The following CREG2 variants were observed in gnomAD, a reference collection of about 807,000 sequenced individuals.
CREG2 encodes the protein protein CREG2.
CREG2 carries 24 observed loss-of-function variants against 26.2 expected under a neutral mutation model. The ratio of observed to expected loss-of-function variants is 0.92; its 90% CI spans 0.66 to 1.29. The LOEUF is 1.29. CREG2 is among the 50% of genes most tolerant of loss of function. CREG2 has a pLI of 0.00. For synonymous variants in CREG2, 174 were observed against 169.2 expected (o/e 1.03, Z -0.22); for missense variants, 366 against 398.6 (o/e 0.92, Z 0.70).
chr2:101,383,425 G>A (rs1405253825), intron 2 of CREG2, 108 bp downstream of exon 2: 9 of 954,454 alleles, frequency 9.4e-6, no homozygotes, highest in South Asian at 1.6e-5. Flanking sequence ...ACATCAATGT[G>A]CATCTCAGAG....
chr2:101,351,893 T>C (rs539377574), intron 3 of CREG2, among the ~76,000 whole-genome samples: 1 of 150,428 alleles, frequency 6.6e-6, no homozygotes, highest in Admixed American at 6.6e-5. Context: ...TATTAAAAAA[T>C]TTTTTTTTTA....
intron 2 of CREG2, chr2:101,382,587 C>T: frequency 2.0e-6 from 2 of 985,396 alleles, no homozygotes; most frequent in Non-Finnish European, 1.2e-6. Context: ...GGAACAGGGT[C>T]AGCTGAAGTG....
At position 101,345,704 on chromosome 2, in the gene CREG2, A is replaced by T. The variant is rs561785261; in HGVS notation, c.*5219T>A. On this transcript the variant is annotated 3_prime_UTR_variant, in exon 4 of 4. Transcript: ENST00000324768. ...TCATTACAATTCAAATTGTACAATA[A>T]TTGACTTTCTGTTATAGCAATCAAA... 1 of 152,338 alleles carries T rather than the reference A, an allele frequency of 6.6e-6. No individual in the cohort carries two copies. The highest frequency in any genetic ancestry group is 2.1e-4 in the South Asian group (1 of 4,828). 9.4% of individuals were successfully genotyped at this position (152,338 alleles called of 1,614,324 possible).
At chr2:101,369,192 G>A (rs1169058706) in intron 2 of CREG2, among the ~76,000 whole-genome samples, 6 of 152,216 alleles carry the variant, frequency 3.9e-5, no homozygotes, top group Admixed American at 2.0e-4. Flanking sequence ...GGTTGATCCA[G>A]GGAGACCTAG....
At position 101,347,957 on chromosome 2, in the gene CREG2, A is replaced by G. The variant is rs1684328547; in HGVS notation, c.*2966T>C. 1 of 152,206 alleles carries G rather than the reference A, an allele frequency of 6.6e-6. No homozygotes were observed. Among genetic ancestry groups the G allele is most frequent in the Non-Finnish European group, 1.5e-5 (1 of 68,026 alleles). The allele number at this position is 152,206 out of a possible 1,614,324, so 9.4% of individuals were successfully genotyped here. ...TTATAGTTTTACATTTTATTTTTAC[A>G]GATATGATCTGAGTTAATTTTTGCA... On this transcript the variant is annotated 3_prime_UTR_variant, in exon 4 of 4. Coordinates refer to ENST00000324768, the MANE Select transcript of CREG2 (RefSeq NM_153836.4).
At chr2:101,366,493 T>C (rs1049098397) in intron 2 of CREG2, among the ~76,000 whole-genome samples, 1 of 150,064 alleles carries the variant, frequency 6.7e-6, no homozygotes, top group African/African-American at 2.4e-5. Flanking sequence ...ACTGAAAATA[T>C]TTAGGAAAAA....
chr2:101,387,285 G>T lies in CREG2; in HGVS notation c.173C>A (p.Ala58Asp). 1 of 1,484,496 alleles carries T rather than the reference G, an allele frequency of 6.7e-7. No homozygotes were observed. The highest frequency in any genetic ancestry group is 9.0e-7 in the Non-Finnish European group (1 of 1,110,140). 92.0% of individuals were successfully genotyped at this position (1,484,496 alleles called of 1,614,324 possible). A position where few individuals can be genotyped will look rare whatever the true frequency, so the allele number is the denominator to read the frequency against. ...EELDSASTEE[A>D]MPALLEDSGS... is the part of the protein sequence containing the mutation. ...CGAATCCTCTAGCAGCGCGGGCATAGCCTCCTCAGTGGAGGCGCTGTCCAG... is the reference window on the plus strand; with the variant it reads ...CGAATCCTCTAGCAGCGCGGGCATATCCTCCTCAGTGGAGGCGCTGTCCAG... The change falls in exon 1 of 4, where the codon GCT (alanine) becomes GAT (aspartate). Residue 58 changes from alanine to aspartate, a missense_variant. Physicochemically the swap from Ala to Asp is moderately radical, Grantham distance 126 (BLOSUM62 -2). Coordinates refer to ENST00000324768, the MANE Select transcript of CREG2 (RefSeq NM_153836.4). The surrounding 1 kb of genome is among the most constrained non-coding windows in gnomAD (Gnocchi z 4.7).
chr2:101,371,245 C>T (rs1268524718), intron 2 of CREG2, among the ~76,000 whole-genome samples: 3 of 152,120 alleles, frequency 2.0e-5, no homozygotes, highest in African/African-American at 4.8e-5. Context: ...GTCTAATATG[C>T]GACACATGCT....
intron 1 of CREG2, 149 bp downstream of exon 1, chr2:101,386,868 T>C (rs1467225740): frequency 1.8e-5 from 14 of 787,978 alleles, no homozygotes; most frequent in Admixed American, 4.4e-5. Flanking sequence ...CCTTCCATTA[T>C]GTACAGTGTC....
At chr2:101,353,967 G>T (rs959539407) in intron 3 of CREG2, among the ~76,000 whole-genome samples, 5 of 152,122 alleles carry the variant, frequency 3.3e-5, no homozygotes, top group East Asian at 1.9e-4. Context: ...GGCCTGTCGG[G>T]GGGTGGAGGC....
chr2:101,359,922 G>A (rs1490908673), intron 2 of CREG2, among the ~76,000 whole-genome samples: 3 of 152,182 alleles, frequency 2.0e-5, no homozygotes, highest in Non-Finnish European at 2.9e-5. Flanking sequence ...CCATAAACAA[G>A]GACATGCCAA....
chr2:101,373,847 C>T (rs1476576110), intron 2 of CREG2, among the ~76,000 whole-genome samples: 1 of 152,286 alleles, frequency 6.6e-6, no homozygotes, highest in South Asian at 2.1e-4. Context: ...TTCTCTGACT[C>T]TTCCTAGACA....
At chr2:101,375,209 G>A (rs536146565) in intron 2 of CREG2, among the ~76,000 whole-genome samples, 2 of 152,256 alleles carry the variant, frequency 1.3e-5, no homozygotes, top group Admixed American at 6.5e-5. Context: ...AAGTTGTTCC[G>A]AGGGATCCTC....
chr2:101,381,782 C>T (rs943365816), intron 2 of CREG2, among the ~76,000 whole-genome samples: 11 of 152,186 alleles, frequency 7.2e-5, no homozygotes, highest in East Asian at 1.9e-4. Context: ...AGCTGCCTCA[C>T]CCAGTTAGCC....
chr2:101,385,162 T>G (rs1166050926), intron 1 of CREG2, among the ~76,000 whole-genome samples: 1 of 151,992 alleles, frequency 6.6e-6, no homozygotes, highest in East Asian at 1.9e-4. Context: ...ACAAAAATAT[T>G]TATTTATTTA....
intron 2 of CREG2, among the ~76,000 whole-genome samples, chr2:101,380,303 G>A (rs189276430): frequency 4.9e-4 from 75 of 152,362 alleles, no homozygotes; most frequent in African/African-American, 1.7e-3. Flanking sequence ...CTCCCGGGCT[G>A]TATCCTTGGT....
At chr2:101,361,153 A>G (rs1047380953) in intron 2 of CREG2, among the ~76,000 whole-genome samples, 3 of 152,218 alleles carry the variant, frequency 2.0e-5, no homozygotes, top group Non-Finnish European at 4.4e-5. Context: ...ACTGTGGGTA[A>G]TTACATAGAA....
At chr2:101,361,130 T>A (rs901551926) in intron 2 of CREG2, among the ~76,000 whole-genome samples, 7 of 152,180 alleles carry the variant, frequency 4.6e-5, no homozygotes, top group Non-Finnish European at 8.8e-5. Context: ...ATAGGGAGCA[T>A]TTTTGCTTCT....
chr2:101,365,903 C>A (rs1001718234), intron 2 of CREG2, among the ~76,000 whole-genome samples: 1 of 152,172 alleles, frequency 6.6e-6, no homozygotes, highest in African/African-American at 2.4e-5. Flanking sequence ...CCCGCCCTAC[C>A]AGTAGACCCT....
Sources: gnomAD v4.1 joint callset for allele counts (sites outside exome capture counted in the v4.1 genomes callset) on GRCh38, gnomAD v4.1.1 for gene constraint, Gnocchi (gnomAD v3.1) non-coding constraint, MANE v1.5 for transcripts, NCBI Gene and HGNC (gene_info 2026-07-23, HGNC 2026-07-21) for gene names.